STK32B: variants seen among roughly 807,000 people sequenced by gnomAD.
STK32B encodes serine/threonine-protein kinase 32B.
Under a neutral mutation model 52.6 loss-of-function variants are expected in STK32B, and 43 were observed. The observed-to-expected ratio is 0.82, with a 90% CI of 0.64 to 1.05. The LOEUF is 1.05. Among genes scored for constraint, STK32B ranks in the 50% least tolerant of loss-of-function variants. STK32B has a pLI of 0.00. For missense variants in STK32B, 621 were observed against 534.6 expected (o/e 1.16, Z -1.59); for synonymous variants, 238 against 204.3 (o/e 1.17, Z -1.41).
chr4:5,072,649 C>T (rs1460925998), intron 1 of STK32B, among the ~76,000 whole-genome samples: 1 of 152,142 alleles, frequency 6.6e-6, no homozygotes, highest in Non-Finnish European at 1.5e-5. Context: ...AGACTTATAA[C>T]TCAGCATTTG....
rs1211288039 is a variant in STK32B, at chr4:5,444,141, T to TC, written c.563-2530dup. Among the ~76,000 whole-genome samples, 332 of 152,306 alleles carry TC rather than the reference T, an allele frequency of 2.2e-3. 2 individuals are homozygous for TC. The highest frequency in any genetic ancestry group is 0.014 in the Middle Eastern group (4 of 294). On this transcript the variant is annotated intron_variant, in intron 6 of 11. Transcript: ENST00000282908. ...TGGTGGGCTCCGCCCAGTTGGAGCT[T>TC]CCGGGCTGCTTTGTTTACCTAATCA...
chr4:5,403,700 C>T (rs1468212836), intron 5 of STK32B, among the ~76,000 whole-genome samples: 1 of 152,182 alleles, frequency 6.6e-6, no homozygotes, highest in Non-Finnish European at 1.5e-5. Context: ...TCCATGTCAG[C>T]ACCCACTTTT....
intron 1 of STK32B, among the ~76,000 whole-genome samples, chr4:5,125,925 CTACCGGAGGCCCT>C (rs1190751941): frequency 6.6e-6 from 1 of 152,162 alleles, no homozygotes; most frequent in African/African-American, 2.4e-5. Flanking sequence ...CCCATCAGAT[CTACCGGAGGCCCT>C]TGCCTCAACC....
intron 1 of STK32B, among the ~76,000 whole-genome samples, chr4:5,097,504 T>TG (rs111228830): frequency 0.39 from 59,317 of 152,038 alleles, 12,407 homozygotes; most frequent in African/African-American, 0.5. Context: ...CTTGGCAGAT[T>TG]TTAGTGTCTT....
chr4:5,264,638 A>AAT (rs551845703), intron 3 of STK32B, among the ~76,000 whole-genome samples: 5 of 151,690 alleles, frequency 3.3e-5, no homozygotes, highest in African/African-American at 9.7e-5. Flanking sequence ...TAAAAAAAAA[A>AAT]TAGCCGGGCA....
chr4:5,314,481 G>A (rs886599622), intron 3 of STK32B, among the ~76,000 whole-genome samples: 1 of 152,086 alleles, frequency 6.6e-6, no homozygotes, highest in African/African-American at 2.4e-5. Context: ...ACCAGCCTGG[G>A]CAACACGTTG....
chr4:5,214,236 T>C (rs1033208668), intron 3 of STK32B: 6 of 152,234 alleles, frequency 3.9e-5, no homozygotes, highest in African/African-American at 1.4e-4. Flanking sequence ...TCCTCCTTGG[T>C]TCTCTCTCCC....
intron 3 of STK32B, among the ~76,000 whole-genome samples, chr4:5,174,186 T>G (rs1719628380): frequency 6.6e-6 from 1 of 152,198 alleles, no homozygotes; most frequent in African/African-American, 2.4e-5. Flanking sequence ...ATTTTGAGCC[T>G]ATGTGTGTCT....
intron 3 of STK32B, among the ~76,000 whole-genome samples, chr4:5,280,898 C>T (rs1470341758): frequency 6.6e-6 from 1 of 151,872 alleles, no homozygotes; most frequent in Non-Finnish European, 1.5e-5. Context: ...GACTCCATCT[C>T]AAAAACAAAA....
chr4:5,207,461 C>T (rs1045053527), intron 3 of STK32B, among the ~76,000 whole-genome samples: 2 of 152,014 alleles, frequency 1.3e-5, no homozygotes, highest in Non-Finnish European at 2.9e-5. Flanking sequence ...CTTTGCTCCT[C>T]CTTCACCTTC....
At chr4:5,072,025 C>G (rs995907167) in intron 1 of STK32B, among the ~76,000 whole-genome samples, 6 of 152,142 alleles carry the variant, frequency 3.9e-5, no homozygotes, top group Admixed American at 3.9e-4. Flanking sequence ...GCCCCAACTC[C>G]TCATCTTTCT....
At chr4:5,137,152 A>G (rs1716124926) in intron 1 of STK32B, among the ~76,000 whole-genome samples, 1 of 152,234 alleles carries the variant, frequency 6.6e-6, no homozygotes, top group African/African-American at 2.4e-5. Context: ...TCTCACCTCT[A>G]CAGCGATAAA....
intron 11 of STK32B, among the ~76,000 whole-genome samples, chr4:5,488,136 TA>T (rs1239206213): frequency 6.6e-6 from 1 of 152,120 alleles, no homozygotes; most frequent in African/African-American, 2.4e-5. Context: ...CTGTCTCTAC[TA>T]AAAATACAAA....
chr4:5,193,948 G>C lies in STK32B; in HGVS notation c.260+25498G>C, dbSNP rs117415369. ...TTTCCCTACTCCGCTGTCTTGGCAG[G>C]GCGTGCGTTCTCATGCTCCTGCACC... On this transcript the variant is annotated intron_variant, in intron 3 of 11. Transcript: ENST00000282908. Among the ~76,000 whole-genome samples, 866 of 152,266 alleles carry C rather than the reference G, an allele frequency of 5.7e-3. 9 individuals are homozygous for C. The highest frequency in any genetic ancestry group is 0.051 in the East Asian group (264 of 5,172).
chr4:5,319,846 C>T (rs539155298), intron 3 of STK32B, among the ~76,000 whole-genome samples: 1 of 152,164 alleles, frequency 6.6e-6, no homozygotes, highest in Non-Finnish European at 1.5e-5. Context: ...GAGAACTGAC[C>T]TGCAGAGGAT....
At chr4:5,379,240 C>T (rs1735773114) in intron 4 of STK32B, among the ~76,000 whole-genome samples, 2 of 152,166 alleles carry the variant, frequency 1.3e-5, no homozygotes, top group Non-Finnish European at 2.9e-5. Context: ...TGTGCTACCC[C>T]TGGCTGCCCT....
intron 1 of STK32B, among the ~76,000 whole-genome samples, chr4:5,116,361 C>T (rs952599710): frequency 2.6e-5 from 4 of 152,096 alleles, no homozygotes; most frequent in African/African-American, 9.7e-5. Flanking sequence ...TGTCGTTGTA[C>T]ATTTTATTTT....
chr4:5,073,216 C>T (rs977552741), intron 1 of STK32B, among the ~76,000 whole-genome samples: 1 of 151,858 alleles, frequency 6.6e-6, no homozygotes, highest in Non-Finnish European at 1.5e-5. Flanking sequence ...TATTTGTTTT[C>T]TGTGTTCTTT....
chr4:5,114,199 G>A (rs1382261988), intron 1 of STK32B, among the ~76,000 whole-genome samples: 2 of 151,598 alleles, frequency 1.3e-5, no homozygotes, highest in Non-Finnish European at 2.9e-5. Context: ...CCATCTCAGT[G>A]TCTTTGAACT....
Sources: gnomAD v4.1 joint callset for allele counts (sites outside exome capture counted in the v4.1 genomes callset) on GRCh38, gnomAD v4.1.1 for gene constraint, MANE v1.5 for transcripts, NCBI Gene and HGNC (gene_info 2026-07-23, HGNC 2026-07-21) for gene names.